Variants in PKHD1L1 observed in about 807,000 individuals in gnomAD.
PKHD1L1 encodes fibrocystin-L.
A neutral mutation model predicts 462.9 loss-of-function variants in PKHD1L1; 434 were observed. That is an observed-to-expected ratio of 0.94 (90% CI 0.87 to 1.02). The LOEUF (loss-of-function observed/expected upper bound fraction) is 1.02, where lower values mean the gene tolerates loss of function less well. PKHD1L1 is among the 50% of genes least tolerant of loss of function. PKHD1L1 has a pLI of 0.00. For synonymous variants in PKHD1L1, 1,781 were observed against 1,750.0 expected (o/e 1.02, Z -0.44); for missense variants, 5,202 against 5,096.1 (o/e 1.02, Z -0.63).
chr8:109,452,233 T>C lies in PKHD1L1; in HGVS notation c.6460T>C (p.Trp2154Arg). The C allele has an allele frequency of 6.2e-7, 1 of 1,611,558 alleles. No individual in the cohort carries two copies. The highest frequency in any genetic ancestry group is 8.5e-7 in the Non-Finnish European group (1 of 1,178,716). The part of the protein sequence containing the change: ...CMTDAHTLSG[W>R]APVCVHIRGV... Reference sequence around the variant, plus strand: ...GACAGATGCCCATACTCTATCAGGGTGGGCTCCAGTTTGTGTCCACATCAG... The same window carrying C: ...GACAGATGCCCATACTCTATCAGGGCGGGCTCCAGTTTGTGTCCACATCAG... Residue 2154 changes from tryptophan to arginine, a missense_variant, in exon 42 of 78, where the codon TGG becomes CGG. Transcript: ENST00000378402.
chr8:109,377,344 G>A (rs539311574), intron 2 of PKHD1L1, among the ~76,000 whole-genome samples: 1 of 151,844 alleles, frequency 6.6e-6, no homozygotes, highest in Non-Finnish European at 1.5e-5. Context: ...TACATCTCTG[G>A]GTTTACCTTT....
intron 12 of PKHD1L1, 105 bp from the exon 13 acceptor site, chr8:109,399,971 A>G: frequency 8.2e-7 from 1 of 1,213,770 alleles, no homozygotes; most frequent in Non-Finnish European, 1.1e-6. Flanking sequence ...CATACTAAAA[A>G]TATGAATTGA....
intron 38 of PKHD1L1, among the ~76,000 whole-genome samples, chr8:109,445,902 A>C (rs1300690002): frequency 6.6e-6 from 1 of 152,170 alleles, no homozygotes; most frequent in Non-Finnish European, 1.5e-5. Context: ...TAAATTTCAA[A>C]TGAGGAAAAA....
At chr8:109,449,180 G>GA (rs1816340645) in intron 39 of PKHD1L1, among the ~76,000 whole-genome samples, 158 bp from the exon 40 acceptor site, 1 of 152,074 alleles carries the variant, frequency 6.6e-6, no homozygotes, top group Non-Finnish European at 1.5e-5. Context: ...AAGAGATTCA[G>GA]TTGCATTAAT....
At chr8:109,515,551 T>A (rs1252367479) in intron 72 of PKHD1L1, among the ~76,000 whole-genome samples, 1 of 152,132 alleles carries the variant, frequency 6.6e-6, no homozygotes, top group African/African-American at 2.4e-5. Context: ...TCATGGACAT[T>A]CTTTTGCTTC....
chr8:109,476,964 ATTAT>A (rs1050302959), intron 52 of PKHD1L1, among the ~76,000 whole-genome samples: 6 of 152,100 alleles, frequency 3.9e-5, no homozygotes, highest in Admixed American at 1.3e-4. Flanking sequence ...TTCCATTTTT[ATTAT>A]TTAATTATTT....
intron 73 of PKHD1L1, among the ~76,000 whole-genome samples, chr8:109,519,705 G>A (rs903153187): frequency 1.3e-5 from 2 of 152,100 alleles, no homozygotes; most frequent in Admixed American, 6.5e-5. Context: ...CCTGGGAGGG[G>A]CTTTCACTTT....
intron 2 of PKHD1L1, among the ~76,000 whole-genome samples, chr8:109,368,789 T>TTGCG (rs1295085780): frequency 6.6e-6 from 1 of 152,164 alleles, no homozygotes; most frequent in Non-Finnish European, 1.5e-5. Context: ...AGACCCAGGT[T>TTGCG]TGCGTGCCTG....
rs368552996 is a variant in PKHD1L1, at chr8:109,441,264, A to G, written c.4100-11A>G. 4 of 1,507,572 alleles carry G rather than the reference A, an allele frequency of 2.7e-6. No individual in the cohort carries two copies. The African/African-American group carries it at 5.6e-5, about 21-fold the overall frequency. 93.4% of individuals were successfully genotyped at this position (1,507,572 alleles called of 1,614,324 possible). ...TGCTTTTTAAAAATATGCAGTATTT[A>G]TTCTTTCTAGGGTCCATCCCTTGCA... On this transcript the variant is annotated splice_polypyrimidine_tract_variant and intron_variant, in intron 33 of 77. Transcript: ENST00000378402.
chr8:109,397,184 A>C (rs1813021129), intron 11 of PKHD1L1, among the ~76,000 whole-genome samples: 1 of 152,148 alleles, frequency 6.6e-6, no homozygotes, highest in African/African-American at 2.4e-5. Flanking sequence ...ATGAAAAGAG[A>C]ACATATTAGT....
rs950040044 is a variant in PKHD1L1 at position 109,464,875 on chromosome 8, T to C, written c.8043T>C (p.Ala2681=). Residue 2681 remains alanine, a synonymous_variant, in exon 49 of 78, where the codon GCT becomes GCC. Coordinates refer to ENST00000378402, the MANE Select transcript of PKHD1L1 (RefSeq NM_177531.6). ...HNFVMVNNYE[A]GIETKRILAP... ...TTGTGATGGTGAATAACTATGAGGC[T>C]GGAATTGAGACTAAGAGGATCCTGG... 3 of 1,613,802 alleles carry C rather than the reference T, an allele frequency of 1.9e-6. No individual in the cohort carries two copies. The African/African-American group carries it at 4.0e-5, about 22-fold the overall frequency.
chr8:109,413,137 T>C (rs1813947558), intron 20 of PKHD1L1, among the ~76,000 whole-genome samples: 1 of 152,138 alleles, frequency 6.6e-6, no homozygotes, highest in Admixed American at 6.6e-5. Context: ...AACTCATCTC[T>C]ACAGAGAGTG....
At chr8:109,511,415 A>G (rs1301008164) in intron 71 of PKHD1L1, among the ~76,000 whole-genome samples, 51 of 139,498 alleles carry the variant, frequency 3.7e-4, no homozygotes, top group African/African-American at 1.3e-3. Flanking sequence ...TCATTGTTCA[A>G]TTCCCACCTA....
chr8:109,374,195 C>T lies in PKHD1L1; in HGVS notation c.164-7175C>T, dbSNP rs201455868. 1.2e-4 allele frequency among the ~76,000 whole-genome samples: 18 copies of T among 152,126 alleles called. 1 individual carries two copies. Among genetic ancestry groups the T allele is most frequent in the East Asian group, 9.7e-4 (5 of 5,174 alleles). On this transcript the variant is annotated intron_variant, in intron 2 of 77. Transcript: ENST00000378402. ...TGAATCTGGGTGCTCCTGTACTGGG[C>T]GCATATATATTTAGGATAGTTAGCT...
In PKHD1L1 at chr8:109,523,097, CTT is replaced by C. The variant is rs112273151; in HGVS notation, c.12331-134_12331-133del. On this transcript the variant is annotated intron_variant, in intron 75 of 77. Transcript: ENST00000378402. ...CTTCTGCTGCTCAGGTTTATGAACTCTTTGTGTGGAATAAGGAGCTTCTGCAG... is the reference window on the plus strand; with the variant it reads ...CTTCTGCTGCTCAGGTTTATGAACTCTGTGTGGAATAAGGAGCTTCTGCAG... 1,700 of 1,023,832 alleles carry C rather than the reference CTT, an allele frequency of 1.7e-3. 23 individuals are homozygous for C. In the African/African-American group the frequency reaches 0.024, roughly 15 times the overall value. 63.4% of individuals were successfully genotyped at this position (1,023,832 alleles called of 1,614,324 possible).
chr8:109,451,352 G>A (rs767695136), intron 41 of PKHD1L1, among the ~76,000 whole-genome samples: 8 of 152,066 alleles, frequency 5.3e-5, no homozygotes, highest in Non-Finnish European at 1.2e-4. Flanking sequence ...GCCTACCCAC[G>A]GAGAAGTCCT....
At chr8:109,390,673 C>G (rs931038031) in intron 9 of PKHD1L1, among the ~76,000 whole-genome samples, 179 bp downstream of exon 9, 1 of 152,070 alleles carries the variant, frequency 6.6e-6, no homozygotes, top group Non-Finnish European at 1.5e-5. Context: ...TCATACATAA[C>G]CTTTCTGTTG....
At position 109,481,488 on chromosome 8, in the gene PKHD1L1, T is replaced by C; in HGVS notation, c.9383T>C (p.Ile3128Thr). 6.3e-7 allele frequency: 1 copy of C among 1,598,830 alleles called. No homozygotes were observed. Among genetic ancestry groups the C allele is most frequent in the Non-Finnish European group, 8.5e-7 (1 of 1,171,756 alleles). Residue 3128 changes from isoleucine to threonine, a missense_variant, in exon 56 of 78, where the codon ATT (isoleucine) becomes ACT (threonine). Coordinates refer to ENST00000378402, the MANE Select transcript of PKHD1L1 (RefSeq NM_177531.6). Reference sequence around the variant, plus strand: ...AACCCTTTTAAAGGAGACTTAAAGATTGTTCTTAGAGGAAATCATACTACA... The same window carrying C: ...AACCCTTTTAAAGGAGACTTAAAGACTGTTCTTAGAGGAAATCATACTACA... Reference protein sequence around the residue: ...EDNPFKGDLKIVLRGNHTTQD... With the variant: ...EDNPFKGDLKTVLRGNHTTQD...
chr8:109,399,551 G>C (rs933463662), intron 12 of PKHD1L1, among the ~76,000 whole-genome samples: 1 of 152,100 alleles, frequency 6.6e-6, no homozygotes, highest in Non-Finnish European at 1.5e-5. Flanking sequence ...AGAAATCCTA[G>C]AGTAGAAGTA....
Sources: gnomAD v4.1 joint callset for allele counts (sites outside exome capture counted in the v4.1 genomes callset) on GRCh38, gnomAD v4.1.1 for gene constraint, MANE v1.5 for transcripts, NCBI Gene and HGNC (gene_info 2026-07-23, HGNC 2026-07-21) for gene names.